The following TPCN1 variants were observed in gnomAD, a reference collection of about 807,000 sequenced individuals.
The protein encoded by TPCN1 is two pore segment channel 1.
In TPCN1, 52 loss-of-function variants were observed where a neutral mutation model predicts 108.8. The observed-to-expected ratio is 0.48, with a 90% CI of 0.38 to 0.60. TPCN1 has a LOEUF of 0.60. Ranked by LOEUF, TPCN1 falls within the 20% of genes least tolerant of loss-of-function variation. The probability of loss-of-function intolerance (pLI) is 0.00; values close to 1 mark genes in which losing one functional copy is unlikely to be tolerated. For missense variants in TPCN1, 806 were observed against 1,072.8 expected, an observed-to-expected ratio of 0.75 and a Z score of 3.47; for synonymous variants, 446 against 433.7, an observed-to-expected ratio of 1.03 and a Z score of -0.35.
At chr12:113,261,982 G>A (rs1177299479) in intron 3 of TPCN1, among the ~76,000 whole-genome samples, 1 of 152,182 alleles carries the variant, frequency 6.6e-6, no homozygotes, top group Non-Finnish European at 1.5e-5. Context: ...TGCACAGGAA[G>A]TATTTCCTCT....
At chr12:113,274,708 TAAAC>T (rs1955615413) in intron 10 of TPCN1, among the ~76,000 whole-genome samples, 2 of 152,142 alleles carry the variant, frequency 1.3e-5, no homozygotes, top group African/African-American at 4.8e-5. Context: ...ATTTAATAAA[TAAAC>T]ACAACCGTGG....
At chr12:113,274,147 G>A (rs772157046) in intron 10 of TPCN1, among the ~76,000 whole-genome samples, 101 of 152,158 alleles carry the variant, frequency 6.6e-4, no homozygotes, top group Admixed American at 1.1e-3. Context: ...CAATGTAAAA[G>A]CTATGTAAAT....
At chr12:113,237,119 G>C (rs967085101) in intron 2 of TPCN1, among the ~76,000 whole-genome samples, 5 of 152,156 alleles carry the variant, frequency 3.3e-5, no homozygotes, top group Non-Finnish European at 5.9e-5. Flanking sequence ...TTGCCAGCTC[G>C]GGATGCTGTC....
chr12:113,288,723 C>T lies in TPCN1; in HGVS notation c.1707-35C>T, dbSNP rs201526689. On this transcript the variant is annotated intron_variant, in intron 20 of 27. Coordinates refer to ENST00000335509, the MANE Select transcript of TPCN1 (RefSeq NM_017901.6). This position sits in a 1 kb window ranked among gnomAD's most constrained non-coding sequence, Gnocchi z 4.8. The stretch of plus-strand genomic sequence containing the variant: ...CTGCAGAGGAGCCGTTCCCTCCTGC[C>T]GGCCCCGCGTCACCCTGCCCCTGTC... 1.3e-4 allele frequency: 206 copies of T among 1,607,642 alleles called. No individual in the cohort carries two copies. The highest frequency in any genetic ancestry group is 1.7e-4 in the Admixed American group (10 of 59,986).
rs1014777009 is a variant in TPCN1 at position 113,288,792 on chromosome 12, T to C, written c.1741T>C (p.Phe581Leu). 1 of 1,613,280 alleles carries C rather than the reference T, an allele frequency of 6.2e-7. No individual in the cohort carries two copies. Among genetic ancestry groups the C allele is most frequent in the Non-Finnish European group, 8.5e-7 (1 of 1,180,010 alleles). ...GLTLLIFYYS[F>L]AIVGMEFFCG... ...CACCCTGCTCATCTTTTACTACTCC[T>C]TCGCCATCGTGGGCATGGAGTTCTT... is the stretch of plus-strand genomic sequence containing the variant. Residue 581 changes from phenylalanine to leucine, a missense_variant, in exon 21 of 28, where the codon TTC becomes CTC. By Grantham distance (22) the Phe-to-Leu change is conservative. Coordinates refer to ENST00000335509, the MANE Select transcript of TPCN1 (RefSeq NM_017901.6). The surrounding 1 kb of genome is among the most constrained non-coding windows in gnomAD (Gnocchi z 4.8).
In TPCN1 at chr12:113,268,004, T is replaced by C. The variant is rs1375555738; in HGVS notation, c.528+48T>C. The C allele has an allele frequency of 1.5e-6, 2 of 1,297,426 alleles. No homozygotes were observed. Among genetic ancestry groups the C allele is most frequent in the Admixed American group, 3.8e-5 (2 of 52,220 alleles). 80.4% of individuals were successfully genotyped at this position (1,297,426 alleles called of 1,614,324 possible). A position where few individuals can be genotyped will look rare whatever the true frequency, so the allele number is the denominator to read the frequency against. On this transcript the variant is annotated intron_variant, in intron 5 of 27. Transcript: ENST00000335509. This position sits in a 1 kb window ranked among gnomAD's most constrained non-coding sequence, Gnocchi z 7.3. ...CCTCCCCTCACAGCCTTTTCTCCCATGTCACCTTCAAACCTGTCTCTTTGG... is the reference window on the plus strand; with the variant it reads ...CCTCCCCTCACAGCCTTTTCTCCCACGTCACCTTCAAACCTGTCTCTTTGG...
At position 113,240,934 on chromosome 12, in the gene TPCN1, T is replaced by TG. The variant is rs199955307; in HGVS notation, c.112+13974dup. Among the ~76,000 whole-genome samples the TG allele has an allele frequency of 6.2e-3, 942 of 152,172 alleles. 17 individuals are homozygous for TG. In the East Asian group the frequency reaches 0.07, roughly 11 times the overall value. ...GCTAATTTTTGTATTTTTGTAGAGA[T>TG]GGGGTTTCACCATGTTGGCCAGGCT... On this transcript the variant is annotated intron_variant, in intron 2 of 27. Transcript: ENST00000335509.
intron 14 of TPCN1, among the ~76,000 whole-genome samples, chr12:113,279,359 G>GTGTATATATATATA (rs1555268764): frequency 2.4e-5 from 1 of 41,006 alleles, no homozygotes; most frequent in East Asian, 1.3e-3. Flanking sequence ...GTGTGTGTGT[G>GTGTATATATATATA]TATATATATA....
intron 2 of TPCN1, among the ~76,000 whole-genome samples, chr12:113,239,782 C>T (rs1954033631): frequency 6.6e-6 from 1 of 152,228 alleles, no homozygotes; most frequent in Non-Finnish European, 1.5e-5. Context: ...TCCATCTAAG[C>T]TTCCCCGTCG....
chr12:113,263,993 T>G (rs973612573), intron 3 of TPCN1, among the ~76,000 whole-genome samples: 2 of 152,202 alleles, frequency 1.3e-5, no homozygotes, highest in African/African-American at 4.8e-5. Context: ...AGAGTTAAAA[T>G]CTGAGCCCCA....
chr12:113,260,638 G>T lies in TPCN1; in HGVS notation c.237+146G>T. On this transcript the variant is annotated intron_variant, in intron 3 of 27. Coordinates refer to ENST00000335509, the MANE Select transcript of TPCN1 (RefSeq NM_017901.6). ...TGTGTGAGCTTCAGGTTCATAAGAT[G>T]GGCTGACCTGACTGTGCTCATAGGG... is the stretch of plus-strand genomic sequence containing the variant. 3 of 1,087,264 alleles carry T rather than the reference G, an allele frequency of 2.8e-6. No individual in the cohort carries two copies. The South Asian group carries it at 5.2e-5, about 19-fold the overall frequency. The allele number at this position is 1,087,264 out of a possible 1,614,324, so 67.4% of individuals were successfully genotyped here. A position where few individuals can be genotyped will look rare whatever the true frequency, so the allele number is the denominator to read the frequency against.
Position 113,272,711 on chromosome 12 carries a change from T to C in TPCN1, c.783+19T>C. On this transcript the variant is annotated intron_variant, in intron 8 of 27. Transcript: ENST00000335509. This position sits in a 1 kb window ranked among gnomAD's most constrained non-coding sequence, Gnocchi z 4.1. The stretch of plus-strand genomic sequence containing the variant: ...AGACCCCGTAAGTAATCAGCACATT[T>C]GTCCGTCTCTTCTTTTATGGAGGGC... 4 of 1,611,500 alleles carry C rather than the reference T, an allele frequency of 2.5e-6. No individual in the cohort carries two copies. Among genetic ancestry groups the C allele is most frequent in the African/African-American group, 1.3e-5 (1 of 75,024 alleles).
chr12:113,222,696 T>A (rs937541610), intron 1 of TPCN1, among the ~76,000 whole-genome samples: 2 of 152,222 alleles, frequency 1.3e-5, no homozygotes, highest in Non-Finnish European at 2.9e-5. Context: ...ATGAAAATTA[T>A]GCATGAACAA....
chr12:113,298,036 CAGG>C lies in TPCN1; in HGVS notation c.*1966_*1968del, dbSNP rs960119932. The C allele has an allele frequency of 2.0e-5, 3 of 152,370 alleles. No homozygotes were observed. The highest frequency in any genetic ancestry group is 7.2e-5 in the African/African-American group (3 of 41,444). 9.4% of individuals were successfully genotyped at this position (152,370 alleles called of 1,614,324 possible). ...GGCCCCGAGGTGGGGGGGCCTATTC[CAGG>C]AGGAGTGGGATCTCGGCCCTGTCCA... On this transcript the variant is annotated 3_prime_UTR_variant, in exon 28 of 28. Coordinates refer to ENST00000335509, the MANE Select transcript of TPCN1 (RefSeq NM_017901.6).
chr12:113,235,817 G>A (rs1472648182), intron 2 of TPCN1, among the ~76,000 whole-genome samples: 2 of 152,182 alleles, frequency 1.3e-5, no homozygotes, highest in Non-Finnish European at 2.9e-5. Flanking sequence ...CTTCCTCTTG[G>A]TGAGGGGTTG....
rs1313863209 is a variant in TPCN1 at position 113,284,339 on chromosome 12, A to G, written c.1343-242A>G. On this transcript the variant is annotated intron_variant, in intron 15 of 27. Transcript: ENST00000335509. This position sits in a 1 kb window ranked among gnomAD's most constrained non-coding sequence, Gnocchi z 4.1. ...TCTACATCATAACTGGTATTCATAC[A>G]GTGACAGAGGGAGTGTTTTTAGAAA... Among the ~76,000 whole-genome samples the G allele has an allele frequency of 6.6e-6, 1 of 152,216 alleles. No homozygotes were observed. The highest frequency in any genetic ancestry group is 2.4e-5 in the African/African-American group (1 of 41,452).
At chr12:113,227,673 C>CT (rs1953524173) in intron 2 of TPCN1, among the ~76,000 whole-genome samples, 1 of 152,130 alleles carries the variant, frequency 6.6e-6, no homozygotes, top group South Asian at 2.1e-4. Context: ...AATAACTCGC[C>CT]TTTTCTGGAG....
In TPCN1 at chr12:113,266,519, G is replaced by T. The variant is rs1025885847; in HGVS notation, c.414+163G>T. On this transcript the variant is annotated intron_variant, in intron 4 of 27. Coordinates refer to ENST00000335509, the MANE Select transcript of TPCN1 (RefSeq NM_017901.6). The surrounding 1 kb of genome is among the most constrained non-coding windows in gnomAD (Gnocchi z 4.2). ...AGGCCTTGGGAGCGGAAATGCCTGG[G>T]TGTCCCTGCTGGAGTGAATGGCCTT... Among the ~76,000 whole-genome samples the T allele has an allele frequency of 5.3e-5, 8 of 152,220 alleles. No individual in the cohort carries two copies. The highest frequency in any genetic ancestry group is 7.3e-5 in the Non-Finnish European group (5 of 68,038).
rs1472459019 is a variant in TPCN1, at chr12:113,221,522, G to C, written c.-230G>C. The C allele has an allele frequency of 3.4e-6, 1 of 290,794 alleles. No individual in the cohort carries two copies. Among genetic ancestry groups the C allele is most frequent in the Non-Finnish European group, 6.9e-6 (1 of 143,926 alleles). The allele number at this position is 290,794 out of a possible 1,614,324, so 18.0% of individuals were successfully genotyped here. A position where few individuals can be genotyped will look rare whatever the true frequency, so the allele number is the denominator to read the frequency against. On this transcript the variant is annotated 5_prime_UTR_variant, in exon 1 of 28. Transcript: ENST00000335509. ...AAGTGGCGGCGGCTTCGGCGGCTGC[G>C]GCGGCTGCAACAGCTTCGGGCTCGG...
Sources: gnomAD v4.1 joint callset for allele counts (sites outside exome capture counted in the v4.1 genomes callset) on GRCh38, gnomAD v4.1.1 for gene constraint, Gnocchi (gnomAD v3.1) non-coding constraint, MANE v1.5 for transcripts, NCBI Gene and HGNC (gene_info 2026-07-23, HGNC 2026-07-21) for gene names.